MSH4: variants seen among roughly 807,000 people sequenced by gnomAD.
MSH4 encodes the protein mutS protein homolog 4.
A neutral mutation model predicts 113.7 loss-of-function variants in MSH4; 106 were observed. The ratio of observed to expected loss-of-function variants is 0.93; its 90% CI spans 0.80 to 1.10. The LOEUF (loss-of-function observed/expected upper bound fraction) is 1.10, where lower values mean the gene tolerates loss of function less well. Among genes scored for constraint, MSH4 ranks in the 50% least tolerant of loss-of-function variants. The pLI, the probability that MSH4 is intolerant of heterozygous loss-of-function variation, is 0.00. For synonymous variants in MSH4, 368 were observed against 380.2 expected (o/e 0.97, Z 0.37); for missense variants, 1,061 against 1,093.7 (o/e 0.97, Z 0.42).
intron 7 of MSH4, among the ~76,000 whole-genome samples, chr1:75,841,835 T>C (rs973431105): frequency 1.1e-4 from 16 of 152,210 alleles, no homozygotes; most frequent in African/African-American, 3.6e-4. Flanking sequence ...GTCATAATAG[T>C]ATTGTGCCAT....
chr1:75,897,995 A>G lies in MSH4; in HGVS notation c.2444A>G (p.Gln815Arg), dbSNP rs142644407. Reference sequence around the variant, plus strand: ...GTAGAAAACATGCATTTTGAAGTTCAACATGTAAAGAATACCTCAAGAAAT... The same window carrying G: ...GTAGAAAACATGCATTTTGAAGTTCGACATGTAAAGAATACCTCAAGAAAT... ...PNVENMHFEV[Q>R]HVKNTSRNKE... The change falls in exon 18 of 20, where the codon CAA becomes CGA. Residue 815 changes from glutamine (Q) to arginine (R), a missense_variant. Transcript: ENST00000263187. 212 of 1,608,192 alleles carry G rather than the reference A, an allele frequency of 1.3e-4. No individual in the cohort carries two copies. The highest frequency in any genetic ancestry group is 6.6e-4 in the Middle Eastern group (4 of 6,038).
chr1:75,909,607 A>T (rs539471238), intron 19 of MSH4, among the ~76,000 whole-genome samples: 2 of 151,872 alleles, frequency 1.3e-5, no homozygotes, highest in African/African-American at 2.4e-5. Flanking sequence ...TCCCGCATGC[A>T]TTAGATATTT....
At chr1:75,805,515 G>A (rs1179244444) in intron 2 of MSH4, among the ~76,000 whole-genome samples, 1 of 150,736 alleles carries the variant, frequency 6.6e-6, no homozygotes, top group Non-Finnish European at 1.5e-5. Flanking sequence ...GGCCTCCCGA[G>A]TAGCTGGGAT....
chr1:75,874,038 C>G (rs1410899263), intron 9 of MSH4, among the ~76,000 whole-genome samples: 1 of 152,104 alleles, frequency 6.6e-6, no homozygotes, highest in Non-Finnish European at 1.5e-5. Context: ...ATTCATACAC[C>G]AACAGTGTAT....
At chr1:75,833,013 C>T (rs1650738764) in intron 7 of MSH4, among the ~76,000 whole-genome samples, 1 of 152,164 alleles carries the variant, frequency 6.6e-6, no homozygotes, top group Non-Finnish European at 1.5e-5. Flanking sequence ...TTGCAGATGT[C>T]ATGATTGTTT....
intron 19 of MSH4, 139 bp from the exon 20 acceptor site, chr1:75,912,557 C>T (rs1652808668): frequency 2.4e-6 from 1 of 416,256 alleles, no homozygotes; most frequent in African/African-American, 2.0e-5. Flanking sequence ...TTGGAGGAAA[C>T]TGATTTGTTC....
At chr1:75,894,511 C>T (rs1330896917) in intron 17 of MSH4, among the ~76,000 whole-genome samples, 3 of 152,194 alleles carry the variant, frequency 2.0e-5, no homozygotes, top group South Asian at 2.1e-4. Context: ...TTTATGGTAC[C>T]ATTCCCTGGT....
intron 14 of MSH4, 49 bp from the exon 15 acceptor site, chr1:75,883,572 A>G (rs1343755955): frequency 6.9e-7 from 1 of 1,446,986 alleles, no homozygotes; most frequent in East Asian, 2.4e-5. Flanking sequence ...CAAAATCTTT[A>G]GACACAAATA....
intron 8 of MSH4, among the ~76,000 whole-genome samples, chr1:75,862,489 T>C (rs1270616342): frequency 6.6e-6 from 1 of 152,232 alleles, no homozygotes; most frequent in Non-Finnish European, 1.5e-5. Context: ...GAATTGTAAA[T>C]CTTTTTCTCA....
At chr1:75,812,780 G>C (rs1437927249) in intron 4 of MSH4, among the ~76,000 whole-genome samples, 1 of 152,144 alleles carries the variant, frequency 6.6e-6, no homozygotes, top group Non-Finnish European at 1.5e-5. Flanking sequence ...TAGGAGACAG[G>C]GACCCTATTT....
chr1:75,879,267 C>T, intron 12 of MSH4, 139 bp downstream of exon 12: 1 of 703,510 alleles, frequency 1.4e-6, no homozygotes, highest in South Asian at 1.8e-5. Context: ...ACCCACCTAA[C>T]TAATGTACTA....
chr1:75,896,346 A>AACACACACACACACAC (rs4035039), intron 17 of MSH4, among the ~76,000 whole-genome samples: 1 of 137,176 alleles, frequency 7.3e-6, no homozygotes, highest in Non-Finnish European at 1.6e-5. Flanking sequence ...ACACACATAC[A>AACACACACACACACAC]ACACACACAC....
intron 7 of MSH4, among the ~76,000 whole-genome samples, chr1:75,835,729 CT>C (rs1349917349): frequency 6.6e-6 from 1 of 152,190 alleles, no homozygotes; most frequent in Admixed American, 6.5e-5. Flanking sequence ...TTCATCTTTT[CT>C]AGCTACCACT....
At position 75,847,203 on chromosome 1, in the gene MSH4, A is replaced by C. The variant is rs1339560630; in HGVS notation, c.1163-1006A>C. ...CCATCTCTTAAAGATCCTACCTCTC[A>C]AGACAGTTGCATTGGGGATCAAGTT... On this transcript the variant is annotated intron_variant, in intron 7 of 19. Coordinates refer to ENST00000263187, the MANE Select transcript of MSH4 (RefSeq NM_002440.4). 3.3e-5 allele frequency among the ~76,000 whole-genome samples: 5 copies of C among 152,210 alleles called. No individual in the cohort carries two copies. The East Asian group carries it at 9.6e-4, about 29-fold the overall frequency.
At chr1:75,888,682 A>G (rs900161113) in intron 15 of MSH4, among the ~76,000 whole-genome samples, 1 of 152,038 alleles carries the variant, frequency 6.6e-6, no homozygotes, top group Non-Finnish European at 1.5e-5. Context: ...GTTTGAATAC[A>G]TACCATGTAT....
rs756144020 is a variant in MSH4 at position 75,797,217 on chromosome 1, C to T, written c.232C>T (p.Arg78Trp). The T allele has an allele frequency of 1.1e-5, 17 of 1,604,374 alleles. No homozygotes were observed. Among genetic ancestry groups the T allele is most frequent in the African/African-American group, 1.3e-5 (1 of 74,838 alleles). Residue 78 changes from arginine to tryptophan, a missense_variant, in exon 1 of 20, where the codon CGG (arginine) becomes TGG (tryptophan). By Grantham distance (101) the Arg-to-Trp change is moderately radical. Coordinates refer to ENST00000263187, the MANE Select transcript of MSH4 (RefSeq NM_002440.4). ...CCTTCCCTGCCCCGCGCCAAACTCC[C>T]GGCCAGCTCAAGGCAAGGAGTGATT... ...SSLPCPAPNS[R>W]PAQGSYFGNK...
chr1:75,892,647 A>G (rs1652281508), intron 17 of MSH4, among the ~76,000 whole-genome samples: 1 of 152,190 alleles, frequency 6.6e-6, no homozygotes, highest in African/African-American at 2.4e-5. Flanking sequence ...GTCACTAGAC[A>G]AAGTTGGGAA....
chr1:75,804,967 A>G (rs904887731), intron 2 of MSH4, among the ~76,000 whole-genome samples: 2 of 151,382 alleles, frequency 1.3e-5, no homozygotes, highest in African/African-American at 4.9e-5. Flanking sequence ...AGCTGAGATT[A>G]CAGGCATGCA....
intron 7 of MSH4, among the ~76,000 whole-genome samples, chr1:75,838,199 C>T (rs1650873574): frequency 6.6e-6 from 1 of 152,168 alleles, no homozygotes; most frequent in African/African-American, 2.4e-5. Flanking sequence ...GAGTCCATTT[C>T]CTTGCTCTTT....
Sources: gnomAD v4.1 joint callset for allele counts (sites outside exome capture counted in the v4.1 genomes callset) on GRCh38, gnomAD v4.1.1 for gene constraint, MANE v1.5 for transcripts, NCBI Gene and HGNC (gene_info 2026-07-23, HGNC 2026-07-21) for gene names.